ZNF678: variants seen among roughly 807,000 people sequenced by gnomAD.
ZNF678 encodes the protein zinc finger protein 678, also known as hypothetical protein MGC42493.
In ZNF678, 5 loss-of-function variants were observed where a neutral mutation model predicts 3.0. The ratio of observed to expected loss-of-function variants is 1.69; its 90% CI spans 0.88 to 3.56. The LOEUF (loss-of-function observed/expected upper bound fraction) is 3.56, where lower values mean the gene tolerates loss of function less well. ZNF678 is among the 30% of genes most tolerant of loss of function. The pLI, the probability that ZNF678 is intolerant of heterozygous loss-of-function variation, is 0.00. For synonymous variants in ZNF678, 218 were observed against 199.6 expected (o/e 1.09, Z -0.78); for missense variants, 593 against 605.0 (o/e 0.98, Z 0.21).
intron 3 of ZNF678, among the ~76,000 whole-genome samples, chr1:227,653,321 C>T (rs927788022): frequency 1.3e-5 from 2 of 151,432 alleles, no homozygotes; most frequent in African/African-American, 4.9e-5. Flanking sequence ...TTCTTCAGTC[C>T]CACACTTTGT....
chr1:227,649,034 G>A (rs79477065), intron 2 of ZNF678, among the ~76,000 whole-genome samples: 29,581 of 151,994 alleles, frequency 0.19, 3,027 homozygotes, highest in East Asian at 0.25. Flanking sequence ...TGTTTAAATA[G>A]CAGAATTACA....
intron 1 of ZNF678, among the ~76,000 whole-genome samples, chr1:227,599,300 T>C (rs1375146392): frequency 1.3e-5 from 2 of 152,226 alleles, no homozygotes; most frequent in Admixed American, 1.3e-4. Flanking sequence ...GTTGTCCCAC[T>C]TCCCCATGGT....
intron 1 of ZNF678, among the ~76,000 whole-genome samples, chr1:227,623,754 C>T (rs6659349): frequency 0.22 from 33,483 of 151,976 alleles, 4,130 homozygotes; most frequent in African/African-American, 0.33. Flanking sequence ...ACTTTATTAA[C>T]CTTTTTCAAT....
At chr1:227,608,217 A>G (rs946558287) in intron 1 of ZNF678, among the ~76,000 whole-genome samples, 18 of 152,250 alleles carry the variant, frequency 1.2e-4, no homozygotes, top group African/African-American at 3.8e-4. Flanking sequence ...CTAGCCACAT[A>G]CACATATAAT....
At chr1:227,564,893 G>A (rs1656630078) in intron 1 of ZNF678, among the ~76,000 whole-genome samples, 1 of 151,408 alleles carries the variant, frequency 6.6e-6, no homozygotes, top group Non-Finnish European at 1.5e-5. Flanking sequence ...CACCACCCCC[G>A]GCTAATTTTT....
intron 1 of ZNF678, among the ~76,000 whole-genome samples, chr1:227,622,718 C>A (rs980042733): frequency 1.3e-5 from 2 of 152,200 alleles, no homozygotes; most frequent in Admixed American, 6.5e-5. Flanking sequence ...GAGAGCCCCT[C>A]CTGCCTCCAT....
downstream of ZNF678, among the ~76,000 whole-genome samples, chr1:227,677,932 A>G (rs1434442477): frequency 6.6e-6 from 1 of 152,194 alleles, no homozygotes; most frequent in Non-Finnish European, 1.5e-5. Context: ...ACCATTGACA[A>G]TCCAGCCATT....
At chr1:227,599,095 C>G (rs1479051985) in intron 1 of ZNF678, 3 of 1,595,524 alleles carry the variant, frequency 1.9e-6, no homozygotes, top group East Asian at 4.5e-5. Flanking sequence ...GGATTGGACC[C>G]CTTGATCTCG....
At chr1:227,602,206 A>G (rs1216048908) in intron 1 of ZNF678, among the ~76,000 whole-genome samples, 1 of 152,234 alleles carries the variant, frequency 6.6e-6, no homozygotes, top group Non-Finnish European at 1.5e-5. Context: ...GCAGAGACAG[A>G]TTAGTAATGA....
intron 1 of ZNF678, among the ~76,000 whole-genome samples, chr1:227,567,335 A>G (rs1395905289): frequency 6.6e-6 from 1 of 152,164 alleles, no homozygotes. Flanking sequence ...GCATTTTCTC[A>G]TTTAAAACTA....
At chr1:227,636,229 C>T (rs530496942) in intron 1 of ZNF678, among the ~76,000 whole-genome samples, 17 of 152,224 alleles carry the variant, frequency 1.1e-4, no homozygotes, top group African/African-American at 3.6e-4. Flanking sequence ...AAGGTTTGTT[C>T]GGTCCCATCC....
chr1:227,576,275 G>C (rs1225116927), intron 1 of ZNF678, among the ~76,000 whole-genome samples: 1 of 152,142 alleles, frequency 6.6e-6, no homozygotes, highest in Non-Finnish European at 1.5e-5. Flanking sequence ...GAATGTGTTA[G>C]GGAGCAGTCC....
At chr1:227,577,791 T>C (rs1441189024) in intron 1 of ZNF678, among the ~76,000 whole-genome samples, 2 of 152,140 alleles carry the variant, frequency 1.3e-5, no homozygotes, top group South Asian at 2.1e-4. Context: ...ATGGTAGCTG[T>C]TTATTTTGCA....
intron 1 of ZNF678, among the ~76,000 whole-genome samples, chr1:227,608,936 G>A (rs73092646): frequency 0.011 from 1,649 of 152,112 alleles, 34 homozygotes; most frequent in African/African-American, 0.038. Flanking sequence ...ACAAAGACAC[G>A]TAAAAACTGG....
chr1:227,594,915 T>A (rs1181165139), intron 1 of ZNF678, among the ~76,000 whole-genome samples: 1 of 152,004 alleles, frequency 6.6e-6, no homozygotes, highest in Admixed American at 6.6e-5. Flanking sequence ...CTAAAAGTTA[T>A]TTTTTTTACT....
intron 5 of ZNF678, among the ~76,000 whole-genome samples, chr1:227,674,856 G>C (rs939127723): frequency 1.3e-5 from 2 of 152,126 alleles, no homozygotes; most frequent in African/African-American, 2.4e-5. Context: ...CTCCCAAAGT[G>C]CTGGGATTAT....
intron 1 of ZNF678, among the ~76,000 whole-genome samples, chr1:227,602,637 T>G (rs898401203): frequency 9.9e-5 from 15 of 152,252 alleles, no homozygotes; most frequent in African/African-American, 3.6e-4. Context: ...TAGCCAGAAT[T>G]ACTGTTTGTT....
chr1:227,612,310 C>T (rs950396889), intron 1 of ZNF678, among the ~76,000 whole-genome samples: 1 of 152,146 alleles, frequency 6.6e-6, no homozygotes, highest in Non-Finnish European at 1.5e-5. Flanking sequence ...TCTTTTCATC[C>T]TCCTGGCTGT....
chr1:227,573,279 G>A (rs774283340), intron 1 of ZNF678, among the ~76,000 whole-genome samples: 2 of 152,238 alleles, frequency 1.3e-5, no homozygotes, highest in Non-Finnish European at 2.9e-5. Flanking sequence ...CCCCACAAGT[G>A]TGTCATTGTC....
Sources: allele counts gnomAD v4.1 joint callset (sites outside exome capture counted in the v4.1 genomes callset), GRCh38; gene constraint gnomAD v4.1.1; transcripts MANE v1.5; gene names NCBI Gene and HGNC (gene_info 2026-07-23, HGNC 2026-07-21).